The following RORA variants were observed in gnomAD, a reference collection of about 807,000 sequenced individuals.
RORA encodes nuclear receptor ROR-alpha.
Under a neutral mutation model 69.5 loss-of-function variants are expected in RORA, and 7 were observed. The ratio of observed to expected loss-of-function variants is 0.10; its 90% confidence interval spans 0.06 to 0.19. The LOEUF (loss-of-function observed/expected upper bound fraction) is 0.19, where lower values mean the gene tolerates loss of function less well. RORA is among the 10% of genes least tolerant of loss of function. RORA has a pLI of 1.00. For synonymous variants in RORA, 261 were observed against 240.8 expected (o/e 1.08, Z -0.78); for missense variants, 457 against 663.0 (o/e 0.69, Z 3.41).
chr15:61,164,412 G>A (rs2079523990), intron 1 of RORA, among the ~76,000 whole-genome samples: 1 of 152,174 alleles, frequency 6.6e-6, no homozygotes, highest in South Asian at 2.1e-4. Context: ...TGTTTTTCCT[G>A]AACAATCAGG....
At chr15:61,099,557 C>T (rs749849727) in intron 1 of RORA, among the ~76,000 whole-genome samples, 13 of 152,224 alleles carry the variant, frequency 8.5e-5, no homozygotes, top group Non-Finnish European at 1.5e-4. Context: ...GCTGACCAGA[C>T]ACAGGTTGGT....
At chr15:61,013,465 T>C (rs1348172728) in intron 1 of RORA, among the ~76,000 whole-genome samples, 1 of 152,236 alleles carries the variant, frequency 6.6e-6, no homozygotes, top group Admixed American at 6.5e-5. Flanking sequence ...AGTGCTTTGT[T>C]ACCTGCAAAT....
intron 5 of RORA, among the ~76,000 whole-genome samples, chr15:60,509,771 G>A (rs1025328656): frequency 5.0e-5 from 7 of 140,016 alleles, no homozygotes; most frequent in Admixed American, 7.7e-5. Context: ...GACAAAAATG[G>A]AAGGTTTTTG....
At chr15:61,095,398 G>T (rs910256423) in intron 1 of RORA, among the ~76,000 whole-genome samples, 2 of 152,168 alleles carry the variant, frequency 1.3e-5, no homozygotes, top group Admixed American at 6.5e-5. Context: ...TTCCTGGAAA[G>T]AAAGAGCTTT....
At chr15:60,696,063 T>A (rs561366541) in intron 1 of RORA, among the ~76,000 whole-genome samples, 1 of 152,352 alleles carries the variant, frequency 6.6e-6, no homozygotes, top group African/African-American at 2.4e-5. Flanking sequence ...TGAGCCTTAC[T>A]GTAAGTCATC....
At chr15:60,588,595 T>C (rs891759481) in intron 2 of RORA, among the ~76,000 whole-genome samples, 2 of 152,240 alleles carry the variant, frequency 1.3e-5, no homozygotes, top group African/African-American at 2.4e-5. Flanking sequence ...ATCACCTTGC[T>C]GATCTCATCC....
chr15:60,870,122 T>C (rs944883584), intron 1 of RORA, among the ~76,000 whole-genome samples: 6 of 152,216 alleles, frequency 3.9e-5, no homozygotes, highest in African/African-American at 1.4e-4. Context: ...AGTCATAAGT[T>C]AATGAGCAAA....
intron 2 of RORA, chr15:60,546,147 C>A (rs915853120): frequency 6.6e-6 from 1 of 152,144 alleles, no homozygotes; most frequent in Non-Finnish European, 1.5e-5. Flanking sequence ...CTAGGCCCTA[C>A]CTTATTCAAC....
chr15:61,227,205 C>T (rs559447922), intron 1 of RORA, among the ~76,000 whole-genome samples: 31 of 103,232 alleles, frequency 3.0e-4, no homozygotes, highest in Middle Eastern at 5.4e-3. Flanking sequence ...ATGTCCCCCC[C>T]ATTCCAAAAA....
intron 1 of RORA, among the ~76,000 whole-genome samples, chr15:60,775,592 T>A (rs1440174410): frequency 2.6e-5 from 4 of 152,202 alleles, no homozygotes; most frequent in Admixed American, 2.0e-4. Context: ...CCCTCTTTGC[T>A]CTTTTCCCCT....
intron 7 of RORA, among the ~76,000 whole-genome samples, chr15:60,503,245 A>C (rs1595870228): frequency 6.6e-6 from 1 of 152,336 alleles, no homozygotes; most frequent in East Asian, 1.9e-4. Flanking sequence ...CTAACATCAT[A>C]AACTCGGAGG....
intron 1 of RORA, among the ~76,000 whole-genome samples, chr15:61,015,078 G>A (rs1895233597): frequency 6.6e-6 from 1 of 152,108 alleles, no homozygotes; most frequent in African/African-American, 2.4e-5. Flanking sequence ...TAAGATATAA[G>A]CACCTCATTA....
At chr15:61,000,558 C>T (rs57467636) in intron 1 of RORA, among the ~76,000 whole-genome samples, 4,923 of 152,164 alleles carry the variant, frequency 0.032, 264 homozygotes, top group African/African-American at 0.11. Context: ...CACTGCCCTT[C>T]AAGTAGGGGA....
chr15:61,070,828 A>C (rs2078331138), intron 1 of RORA, among the ~76,000 whole-genome samples: 1 of 152,190 alleles, frequency 6.6e-6, no homozygotes, highest in Non-Finnish European at 1.5e-5. Flanking sequence ...ATTATGCTTG[A>C]CACAGGTTTT....
chr15:60,993,371 G>T (rs995075035), intron 1 of RORA, among the ~76,000 whole-genome samples: 1 of 151,692 alleles, frequency 6.6e-6, no homozygotes, highest in African/African-American at 2.4e-5. Context: ...GGGCACAGCG[G>T]CTCACTCCTG....
chr15:60,843,405 C>T (rs2073225822), intron 1 of RORA, among the ~76,000 whole-genome samples: 1 of 152,134 alleles, frequency 6.6e-6, no homozygotes, highest in Non-Finnish European at 1.5e-5. Flanking sequence ...ATAACTTGTC[C>T]AAGGTCATTC....
chr15:60,662,832 T>C (rs1415057408), intron 2 of RORA, among the ~76,000 whole-genome samples: 1 of 152,200 alleles, frequency 6.6e-6, no homozygotes, highest in African/African-American at 2.4e-5. Context: ...GATGCTGTGG[T>C]GTGCTGCATA....
At chr15:60,940,222 T>A (rs542034032) in intron 1 of RORA, among the ~76,000 whole-genome samples, 1 of 152,284 alleles carries the variant, frequency 6.6e-6, no homozygotes, top group Non-Finnish European at 1.5e-5. Context: ...ATAAAATTGT[T>A]GGCTAAGATG....
At chr15:60,947,842 T>C (rs1452436467) in intron 1 of RORA, among the ~76,000 whole-genome samples, 1 of 151,434 alleles carries the variant, frequency 6.6e-6, no homozygotes, top group Non-Finnish European at 1.5e-5. Context: ...TTGGGAAGAG[T>C]TGCAGCAGTA....
Sources: gnomAD v4.1 joint callset for allele counts (sites outside exome capture counted in the v4.1 genomes callset) on GRCh38, gnomAD v4.1.1 for gene constraint, MANE v1.5 for transcripts, NCBI Gene and HGNC (gene_info 2026-07-23, HGNC 2026-07-21) for gene names.